Variants in CRYBG2 observed in about 807,000 individuals in gnomAD.
CRYBG2 encodes beta/gamma crystallin domain-containing protein 2.
Under a neutral mutation model 153.4 loss-of-function variants are expected in CRYBG2, and 106 were observed. The observed-to-expected ratio is 0.69, with a 90% confidence interval of 0.59 to 0.81. The LOEUF (loss-of-function observed/expected upper bound fraction) is 0.81, where lower values mean the gene tolerates loss of function less well. Among genes scored for constraint, CRYBG2 ranks in the 30% least tolerant of loss-of-function variants. CRYBG2 has a pLI of 0.00. For missense variants in CRYBG2, 1,996 were observed against 2,112.0 expected, an observed-to-expected ratio of 0.95 and a Z score of 1.08; for synonymous variants, 851 against 877.8, an observed-to-expected ratio of 0.97 and a Z score of 0.54.
chr1:26,349,067 G>A (rs2074257969), intron 1 of CRYBG2, among the ~76,000 whole-genome samples: 3 of 151,974 alleles, frequency 2.0e-5, no homozygotes, highest in Admixed American at 2.0e-4. Context: ...TACTTGGGAA[G>A]CTGAGGTAGG....
At chr1:26,339,728 C>G (rs1274422520) in intron 5 of CRYBG2, among the ~76,000 whole-genome samples, 1 of 149,598 alleles carries the variant, frequency 6.7e-6, no homozygotes, top group Non-Finnish European at 1.5e-5. Flanking sequence ...AAGAGTGAAA[C>G]TCCGTCTCAA....
At chr1:26,333,849 C>A (rs2074025255) in intron 14 of CRYBG2, among the ~76,000 whole-genome samples, 1 of 152,174 alleles carries the variant, frequency 6.6e-6, no homozygotes, top group Admixed American at 6.5e-5. Flanking sequence ...GATAAAATCT[C>A]ACTCTGTTGC....
At chr1:26,350,828 C>G (rs181359276) in intron 1 of CRYBG2, among the ~76,000 whole-genome samples, 1 of 152,162 alleles carries the variant, frequency 6.6e-6, no homozygotes, top group Non-Finnish European at 1.5e-5. Context: ...AGGTACCCTC[C>G]CCTCCCCAAG....
Position 26,321,925 on chromosome 1 carries a change from TC to T in CRYBG2, c.*42del. 6.9e-7 allele frequency: 1 copy of T among 1,457,966 alleles called. No individual in the cohort carries two copies. The highest frequency in any genetic ancestry group is 9.2e-7 in the Non-Finnish European group (1 of 1,090,660). 90.3% of individuals were successfully genotyped at this position (1,457,966 alleles called of 1,614,324 possible). A position where few individuals can be genotyped will look rare whatever the true frequency, so the allele number is the denominator to read the frequency against. The stretch of plus-strand genomic sequence containing the variant: ...AACAAAAACCCTATAAAAACATTCA[TC>T]CCAGCAAAAGCCTCCAGGGCTGGAG... On this transcript the variant is annotated 3_prime_UTR_variant, in exon 20 of 20. Transcript: ENST00000308182.
rs563480830 is a variant in CRYBG2 at position 26,339,236 on chromosome 1, G to A, written c.3344+54C>T. On this transcript the variant is annotated intron_variant, in intron 6 of 19. Transcript: ENST00000308182. ...GTGTTCTGTCACCTCTGTGTCCCCA[G>A]CACCCAGCACAGTGAATGTCAAATG... 5.6e-5 allele frequency: 88 copies of A among 1,574,490 alleles called. No homozygotes were observed. The Middle Eastern group carries it at 6.8e-4, about 12-fold the overall frequency.
At position 26,346,616 on chromosome 1, in the gene CRYBG2, T is replaced by C; in HGVS notation, c.42A>G (p.Arg14=). 6.4e-7 allele frequency: 1 copy of C among 1,573,306 alleles called. No homozygotes were observed. Among genetic ancestry groups the C allele is most frequent in the Non-Finnish European group, 8.6e-7 (1 of 1,159,020 alleles). ...GCCATGTCAATGTGGCACTTACCAC[T>C]CGGGCCTTGGCCCGGGCCATGGGCC... ...AGGPMARAKA[R]VVSATLTWRQ... The change falls in exon 2 of 20, where the codon CGA becomes CGG. Residue 14 remains arginine (R), a synonymous_variant. Coordinates refer to ENST00000308182, the MANE Select transcript of CRYBG2 (RefSeq NM_001039775.4). This position sits in a 1 kb window ranked among gnomAD's most constrained non-coding sequence, Gnocchi z 4.9.
At chr1:26,340,686 C>G (rs1359591116) in intron 5 of CRYBG2, among the ~76,000 whole-genome samples, 1 of 152,080 alleles carries the variant, frequency 6.6e-6, no homozygotes, top group African/African-American at 2.4e-5. Flanking sequence ...GATCTTGGCT[C>G]ACCGAAACCT....
chr1:26,343,814 C>T lies in CRYBG2; in HGVS notation c.2844G>A (p.Leu948=). The change falls in exon 2 of 20, where the codon TTG becomes TTA. Residue 948 remains leucine, a synonymous_variant. Coordinates refer to ENST00000308182, the MANE Select transcript of CRYBG2 (RefSeq NM_001039775.4). This position sits in a 1 kb window ranked among gnomAD's most constrained non-coding sequence, Gnocchi z 4.1. ...ATGATCTTTCACTGCAAAGCAGGGGCAACTGTCCTGGCACCTTCCTGAGCC... is the reference window on the plus strand; with the variant it reads ...ATGATCTTTCACTGCAAAGCAGGGGTAACTGTCCTGGCACCTTCCTGAGCC... ...APGLRKVPGQ[L]PLLCSERSSP... 1.4e-6 allele frequency: 2 copies of T among 1,455,590 alleles called. No homozygotes were observed. Among genetic ancestry groups the T allele is most frequent in the Non-Finnish European group, 1.8e-6 (2 of 1,101,084 alleles). 90.2% of individuals were successfully genotyped at this position (1,455,590 alleles called of 1,614,324 possible).
Position 26,343,915 on chromosome 1 carries a change from G to C in CRYBG2, c.2743C>G (p.Pro915Ala). Residue 915 changes from proline to alanine, a missense_variant, in exon 2 of 20, where the codon CCT (proline) becomes GCT (alanine). Coordinates refer to ENST00000308182, the MANE Select transcript of CRYBG2 (RefSeq NM_001039775.4). The surrounding 1 kb of genome is among the most constrained non-coding windows in gnomAD (Gnocchi z 4.1). ...GGGGTGGAGGCCTCCTTGGCGGTAGGCACCAGACTGCCGAACAGAAGGCTG... is the reference window on the plus strand; with the variant it reads ...GGGGTGGAGGCCTCCTTGGCGGTAGCCACCAGACTGCCGAACAGAAGGCTG... ...GGSLLFGSLV[P>A]TAKEASTPEP... The C allele has an allele frequency of 6.5e-7, 1 of 1,537,224 alleles. No homozygotes were observed. Among genetic ancestry groups the C allele is most frequent in the Admixed American group, 2.0e-5 (1 of 50,512 alleles).
chr1:26,337,848 C>T (rs1459668836), intron 8 of CRYBG2, among the ~76,000 whole-genome samples, 164 bp downstream of exon 8: 1 of 152,166 alleles, frequency 6.6e-6, no homozygotes, highest in African/African-American at 2.4e-5. Context: ...CCTTCTTACA[C>T]ATCAAAAGCC....
intron 1 of CRYBG2, among the ~76,000 whole-genome samples, chr1:26,348,848 G>A (rs1473625938): frequency 1.4e-5 from 2 of 147,168 alleles, no homozygotes; most frequent in African/African-American, 2.5e-5. Context: ...GAGCCACTGC[G>A]CCCGGCCTAA....
intron 19 of CRYBG2, 45 bp from the exon 20 acceptor site, chr1:26,322,101 G>A: frequency 6.3e-7 from 1 of 1,598,936 alleles, no homozygotes; most frequent in South Asian, 1.1e-5. Flanking sequence ...TAGTCAGAGA[G>A]AGCTGGGACT....
At chr1:26,333,048 A>AAAAAAAAAT (rs2074016788) in intron 14 of CRYBG2, among the ~76,000 whole-genome samples, 6 of 128,352 alleles carry the variant, frequency 4.7e-5, no homozygotes, top group Non-Finnish European at 6.6e-5. Context: ...AAAAAAAAAG[A>AAAAAAAAAT]TTTCTAACAG....
rs755650532 is a variant in CRYBG2, at chr1:26,345,966, C to A, written c.692G>T (p.Arg231Leu). ...VVGSPPGSPSRSQAVKVLSNL... is the reference protein window; with the variant it reads ...VVGSPPGSPSLSQAVKVLSNL... ...ACTTAGCACTTTCACGGCCTGGCTG[C>A]GGCTGGGCGAGCCTGGTGGGGAGCC... Residue 231 changes from arginine to leucine, a missense_variant, in exon 2 of 20, where the codon CGC (arginine) becomes CTC (leucine). Physicochemically the swap from Arg to Leu is moderately radical, Grantham distance 102. Coordinates refer to ENST00000308182, the MANE Select transcript of CRYBG2 (RefSeq NM_001039775.4). 3 of 1,593,192 alleles carry A rather than the reference C, an allele frequency of 1.9e-6. No individual in the cohort carries two copies. The highest frequency in any genetic ancestry group is 2.7e-5 in the African/African-American group (2 of 74,838).
chr1:26,337,385 A>G lies in CRYBG2; in HGVS notation c.3645-6T>C, dbSNP rs748576208. ...CCTTCTCGTAGCCCACCCAGCTGGG[A>G]AAAGCAGGAGGACAGACAGGCAGGT... On this transcript the variant is annotated splice_polypyrimidine_tract_variant and splice_region_variant and intron_variant, in intron 9 of 19. Transcript: ENST00000308182. 8.1e-6 allele frequency: 13 copies of G among 1,613,008 alleles called. No homozygotes were observed. The South Asian group carries it at 9.9e-5, about 12-fold the overall frequency.
chr1:26,324,161 C>T lies in CRYBG2; in HGVS notation c.4728G>A (p.Leu1576=), dbSNP rs1435214155. ...GCCCCTGTATCAGTACCTGGTTCTT[C>T]AGCAGCCCATCCTCGTAGTACCAGA... ...SCIWYYEDGL[L]KNQMAPTMSL... is the part of the protein sequence containing the mutation. The change falls in exon 18 of 20, where the codon CTG becomes CTA. Residue 1576 remains leucine, a synonymous_variant. Transcript: ENST00000308182. 2.5e-6 allele frequency: 4 copies of T among 1,613,340 alleles called. No individual in the cohort carries two copies. The South Asian group carries it at 4.4e-5, about 18-fold the overall frequency.
chr1:26,349,257 T>G (rs2074261261), intron 1 of CRYBG2, among the ~76,000 whole-genome samples: 1 of 152,158 alleles, frequency 6.6e-6, no homozygotes, highest in African/African-American at 2.4e-5. Flanking sequence ...CTTCCCTCGA[T>G]TCTGTCCTCT....
At chr1:26,349,505 G>A (rs1408689192) in intron 1 of CRYBG2, among the ~76,000 whole-genome samples, 1 of 152,078 alleles carries the variant, frequency 6.6e-6, no homozygotes, top group African/African-American at 2.4e-5. Flanking sequence ...TGGGGCCTGG[G>A]TCTTGTTTCT....
At position 26,343,041 on chromosome 1, in the gene CRYBG2, A is replaced by G. The variant is rs868502572; in HGVS notation, c.3074+6T>C. On this transcript the variant is annotated splice_donor_region_variant and intron_variant, in intron 4 of 19. Coordinates refer to ENST00000308182, the MANE Select transcript of CRYBG2 (RefSeq NM_001039775.4). The surrounding 1 kb of genome is among the most constrained non-coding windows in gnomAD (Gnocchi z 4.1). ...CCAAGTGCCTTGCTGGGCACTCCCC[A>G]CTCACCAGCCTCGAACTACCCTTAT... 9.7e-6 allele frequency: 15 copies of G among 1,544,952 alleles called. No individual in the cohort carries two copies. The highest frequency in any genetic ancestry group is 3.4e-4 in the Middle Eastern group (2 of 5,932).
Sources: allele counts gnomAD v4.1 joint callset (sites outside exome capture counted in the v4.1 genomes callset), GRCh38; gene constraint gnomAD v4.1.1; non-coding constraint Gnocchi (gnomAD v3.1); transcripts MANE v1.5; gene names NCBI Gene and HGNC (gene_info 2026-07-23, HGNC 2026-07-21).